The following PGM3 variants were observed in gnomAD, a reference collection of about 807,000 sequenced individuals.
The protein encoded by PGM3 is phosphoacetylglucosamine mutase.
Under a neutral mutation model 66.2 loss-of-function variants are expected in PGM3, and 40 were observed. That is an observed-to-expected ratio of 0.60 (90% CI 0.47 to 0.79). The LOEUF (loss-of-function observed/expected upper bound fraction) is 0.79. Ranked by LOEUF, PGM3 falls within the 30% of genes least tolerant of loss-of-function variation. The pLI is 0.00. For missense variants in PGM3, 537 were observed against 643.4 expected (o/e 0.83, Z 1.79); for synonymous variants, 191 against 224.2 (o/e 0.85, Z 1.32).
chr6:83,176,219 T>C lies in PGM3; in HGVS notation c.1030-159A>G. On this transcript the variant is annotated intron_variant, in intron 8 of 12. Coordinates refer to ENST00000513973, the MANE Select transcript of PGM3 (RefSeq NM_015599.3). ...AAAATACAAAATGGTACGTATACAA[T>C]GGAAGCATGAACACACTCTGGAAGC... The C allele has an allele frequency of 3.7e-6, 2 of 545,820 alleles. 1 individual carries two copies. The highest frequency in any genetic ancestry group is 5.0e-5 in the South Asian group (2 of 40,270). The allele number at this position is 545,820 out of a possible 1,614,324, so 33.8% of individuals were successfully genotyped here. A position where few individuals can be genotyped will look rare whatever the true frequency, so the allele number is the denominator to read the frequency against.
chr6:83,169,534 G>GGTAA (rs1350268133), intron 12 of PGM3: 19 of 568,134 alleles, frequency 3.3e-5, no homozygotes, highest in Non-Finnish European at 5.9e-5. Flanking sequence ...TTCTAAATAA[G>GGTAA]GTAAGTTTTT....
the PGM3 span, chr6:83,151,670 C>T: frequency 6.3e-7 from 1 of 1,592,522 alleles, no homozygotes; most frequent in Admixed American, 1.9e-5. Flanking sequence ...GTAAGGCAGT[C>T]TAAGAGCTGT....
chr6:83,154,266 A>G, the PGM3 span: 1 of 1,601,218 alleles, frequency 6.2e-7, no homozygotes, highest in Non-Finnish European at 8.6e-7. Flanking sequence ...ATGACAATCC[A>G]AGTTCTTTCC....
downstream of PGM3, chr6:83,162,822 A>G: frequency 1.2e-6 from 2 of 1,613,510 alleles, no homozygotes; most frequent in Non-Finnish European, 1.7e-6. Flanking sequence ...GAAGCCTCAG[A>G]TGATTCAGGT....
rs761605145 is a variant in PGM3, at chr6:83,166,378, C to T, written c.*2856G>A. Reference sequence around the variant, plus strand: ...GGCTCTAGTCTCCTTTGCAAAACTTCTTGAGCCATCACGGCACTGTATGTT... The same window carrying T: ...GGCTCTAGTCTCCTTTGCAAAACTTTTTGAGCCATCACGGCACTGTATGTT... On this transcript the variant is annotated 3_prime_UTR_variant, in exon 13 of 13. Coordinates refer to ENST00000513973, the MANE Select transcript of PGM3 (RefSeq NM_015599.3). The T allele has an allele frequency of 8.4e-5, 59 of 700,542 alleles. No individual in the cohort carries two copies. Among genetic ancestry groups the T allele is most frequent in the Non-Finnish European group, 1.3e-5 (5 of 384,226 alleles). 43.4% of individuals were successfully genotyped at this position (700,542 alleles called of 1,614,324 possible). A position where few individuals can be genotyped will look rare whatever the true frequency, so the allele number is the denominator to read the frequency against.
intron 2 of PGM3, 149 bp from the exon 3 acceptor site, chr6:83,188,947 A>G: frequency 1.7e-6 from 1 of 600,786 alleles, no homozygotes; most frequent in Non-Finnish European, 2.9e-6. Context: ...TGGACCCTGG[A>G]TTAGGTATTT....
Position 83,188,403 on chromosome 6 carries a change from G to A in PGM3, c.389+211C>T, listed in dbSNP as rs545444504. The A allele has an allele frequency of 9.9e-5, 46 of 463,952 alleles. No homozygotes were observed. The South Asian group carries it at 2.0e-3, about 20-fold the overall frequency. 28.7% of individuals were successfully genotyped at this position (463,952 alleles called of 1,614,324 possible). On this transcript the variant is annotated intron_variant, in intron 3 of 12. Coordinates refer to ENST00000513973, the MANE Select transcript of PGM3 (RefSeq NM_015599.3). Reference sequence around the variant, plus strand: ...ACATTATTCTGCAGCTTGGGTTTTGGAGTAGGGTTTTAAACCAGAGTCAGA... The same window carrying A: ...ACATTATTCTGCAGCTTGGGTTTTGAAGTAGGGTTTTAAACCAGAGTCAGA...
At chr6:83,185,216 C>A (rs753310085) in intron 4 of PGM3, among the ~76,000 whole-genome samples, 1 of 152,186 alleles carries the variant, frequency 6.6e-6, no homozygotes, top group Non-Finnish European at 1.5e-5. Context: ...CAGGCCACAG[C>A]CTGCCAATGG....
At chr6:83,153,701 A>C in the PGM3 span, 1 of 1,257,596 alleles carries the variant, frequency 8.0e-7, no homozygotes, top group Admixed American at 2.6e-5. Context: ...TGCCATTTCT[A>C]GAATTATCAT....
intron 10 of PGM3, among the ~76,000 whole-genome samples, chr6:83,172,551 C>G (rs1342932462): frequency 6.6e-6 from 1 of 151,946 alleles, no homozygotes; most frequent in Non-Finnish European, 1.5e-5. Flanking sequence ...CCCATCTACT[C>G]GGGAGGCTGA....
Position 83,180,789 on chromosome 6 carries a change from T to C in PGM3, c.788-822A>G, listed in dbSNP as rs575114390. Among the ~76,000 whole-genome samples, 257 of 152,290 alleles carry C rather than the reference T, an allele frequency of 1.7e-3. 2 individuals carry two copies. Among genetic ancestry groups the C allele is most frequent in the Non-Finnish European group, 3.3e-3 (222 of 68,014 alleles). On this transcript the variant is annotated intron_variant, in intron 6 of 12. Coordinates refer to ENST00000513973, the MANE Select transcript of PGM3 (RefSeq NM_015599.3). ...GCAATTCAATGAAAAGGAGCTCAAA[T>C]TGGTTGACTACACTGACATTTTAAA... is the stretch of plus-strand genomic sequence containing the variant.
rs890568734 is a variant in PGM3, at chr6:83,168,714, C to T, written c.*520G>A. ...CAGTATGGAAGAGGGATGGACAACCCCCTATTCATACCTCTGAGTTCCTGA... is the reference window on the plus strand; with the variant it reads ...CAGTATGGAAGAGGGATGGACAACCTCCTATTCATACCTCTGAGTTCCTGA... On this transcript the variant is annotated 3_prime_UTR_variant, in exon 13 of 13. Transcript: ENST00000513973. The T allele has an allele frequency of 2.0e-6, 2 of 996,440 alleles. No individual in the cohort carries two copies. The highest frequency in any genetic ancestry group is 3.5e-5 in the African/African-American group (2 of 57,272). 61.7% of individuals were successfully genotyped at this position (996,440 alleles called of 1,614,324 possible).
the PGM3 span, chr6:83,156,023 C>CT: frequency 6.2e-7 from 1 of 1,613,922 alleles, no homozygotes; most frequent in Non-Finnish European, 8.5e-7. Flanking sequence ...GAACAGAGAG[C>CT]TATGCTTCTT....
In PGM3 at chr6:83,186,377, C is replaced by T. The variant is rs557566144; in HGVS notation, c.457+631G>A. On this transcript the variant is annotated intron_variant, in intron 4 of 12. Transcript: ENST00000513973. The stretch of plus-strand genomic sequence containing the variant: ...AGCCCTCAGCAGAGGCCAGACTGAC[C>T]GTGCAGGAAGGGAACACAGTCGGAA... 3.3e-5 allele frequency among the ~76,000 whole-genome samples: 5 copies of T among 152,168 alleles called. No individual in the cohort carries two copies. In the East Asian group the frequency reaches 9.7e-4, roughly 30 times the overall value.
At chr6:83,185,319 G>C (rs1467463245) in intron 4 of PGM3, among the ~76,000 whole-genome samples, 1 of 152,188 alleles carries the variant, frequency 6.6e-6, no homozygotes, top group Admixed American at 6.5e-5. Context: ...ATTGTTTATT[G>C]AAACTATTAT....
chr6:83,180,485 A>AT (rs1410777043), intron 6 of PGM3, among the ~76,000 whole-genome samples: 4 of 152,226 alleles, frequency 2.6e-5, no homozygotes, highest in African/African-American at 4.8e-5. Context: ...AATCTCAGCA[A>AT]TTGTCACATC....
chr6:83,155,913 G>A, the PGM3 span: 3 of 1,588,674 alleles, frequency 1.9e-6, no homozygotes, highest in Non-Finnish European at 2.6e-6. Context: ...TCTTTCTTCA[G>A]ATGACAGTGT....
chr6:83,166,039 C>A lies in PGM3; in HGVS notation c.*3195G>T. Reference sequence around the variant, plus strand: ...GTCCAGCCACTGAGCTGGTCATCGCCAGTTGTCGTATAAAATCCACCTTTT... The same window carrying A: ...GTCCAGCCACTGAGCTGGTCATCGCAAGTTGTCGTATAAAATCCACCTTTT... On this transcript the variant is annotated 3_prime_UTR_variant, in exon 13 of 13. Coordinates refer to ENST00000513973, the MANE Select transcript of PGM3 (RefSeq NM_015599.3). 1 of 278,896 alleles carries A rather than the reference C, an allele frequency of 3.6e-6. No individual in the cohort carries two copies. Among genetic ancestry groups the A allele is most frequent in the South Asian group, 5.8e-5 (1 of 17,146 alleles). The allele number at this position is 278,896 out of a possible 1,614,324, so 17.3% of individuals were successfully genotyped here. A position where few individuals can be genotyped will look rare whatever the true frequency, so the allele number is the denominator to read the frequency against.
chr6:83,166,790 G>A lies in PGM3; in HGVS notation c.*2444C>T, dbSNP rs1462116138. 9.5e-7 allele frequency: 1 copy of A among 1,048,326 alleles called. No individual in the cohort carries two copies. The highest frequency in any genetic ancestry group is 1.7e-5 in the African/African-American group (1 of 59,740). 64.9% of individuals were successfully genotyped at this position (1,048,326 alleles called of 1,614,324 possible). On this transcript the variant is annotated 3_prime_UTR_variant, in exon 13 of 13. Transcript: ENST00000513973. ...ATCTGCTTGACCCACTAGGAAACTA[G>A]TGATATTAAATTATTAGGTAAACAA...
Sources: gnomAD v4.1 joint callset for allele counts (sites outside exome capture counted in the v4.1 genomes callset) on GRCh38, gnomAD v4.1.1 for gene constraint, MANE v1.5 for transcripts, NCBI Gene and HGNC (gene_info 2026-07-23, HGNC 2026-07-21) for gene names.